ATP2B2: variants seen among roughly 807,000 people sequenced by gnomAD.
ATP2B2 encodes plasma membrane calcium-transporting ATPase 2.
ATP2B2 carries 15 observed loss-of-function variants against 120.0 expected under a neutral mutation model. That is an observed-to-expected ratio of 0.12 (90% confidence interval 0.08 to 0.19). The LOEUF is 0.19. Ranked by LOEUF, ATP2B2 falls within the 10% of genes least tolerant of loss-of-function variation. The probability of loss-of-function intolerance (pLI) is 1.00; values close to 1 mark genes in which losing one functional copy is unlikely to be tolerated. For missense variants in ATP2B2, 1,045 were observed against 1,719.8 expected (o/e 0.61, Z 6.94); for synonymous variants, 694 against 700.3 (o/e 0.99, Z 0.14).
chr3:10,650,743 T>A (rs1215075057), intron 1 of ATP2B2, among the ~76,000 whole-genome samples: 1 of 152,152 alleles, frequency 6.6e-6, no homozygotes, highest in African/African-American at 2.4e-5. Flanking sequence ...CCAGACCCCA[T>A]AATGGTAGGT....
At chr3:10,689,837 C>T (rs552074167) in intron 1 of ATP2B2, among the ~76,000 whole-genome samples, 6 of 152,194 alleles carry the variant, frequency 3.9e-5, no homozygotes, top group South Asian at 2.1e-4. Context: ...AGCATTGCTG[C>T]GCACCCTCCA....
At chr3:10,440,523 G>A (rs537102574) in intron 2 of ATP2B2, among the ~76,000 whole-genome samples, 5 of 152,312 alleles carry the variant, frequency 3.3e-5, no homozygotes, top group African/African-American at 1.2e-4. Context: ...CAGGCACAGC[G>A]AATTCCTCAC....
At chr3:10,477,678 T>G (rs75917848) in intron 1 of ATP2B2, among the ~76,000 whole-genome samples, 1 of 152,248 alleles carries the variant, frequency 6.6e-6, no homozygotes, top group African/African-American at 2.4e-5. Flanking sequence ...CTTATTTCAC[T>G]TAGCATCTCA....
rs141265161 is a variant in ATP2B2 at position 10,400,522 on chromosome 3, C to T, written c.781+431G>A. 3.0e-3 allele frequency among the ~76,000 whole-genome samples: 459 copies of T among 152,160 alleles called. 3 individuals are homozygous for T. The highest frequency in any genetic ancestry group is 0.01 in the African/African-American group (434 of 41,540). ...TCCCTGCTCCTCACTCCGCCACAAG[C>T]TCCTCAGGGCTGGGCCTTCCCTGCC... On this transcript the variant is annotated intron_variant, in intron 5 of 22. Coordinates refer to ENST00000360273, the MANE Select transcript of ATP2B2 (RefSeq NM_001001331.4).
At chr3:10,707,921 C>G (rs2071923482) in exon 1 of ATP2B2, 1 of 152,294 alleles carries the variant, frequency 6.6e-6, no homozygotes. Flanking sequence ...TCACCTGCGC[C>G]GGCTCCGAGA....
At chr3:10,540,897 A>AT (rs1185930460) in intron 2 of ATP2B2, among the ~76,000 whole-genome samples, 150 of 147,452 alleles carry the variant, frequency 1.0e-3, no homozygotes, top group Admixed American at 2.7e-3. Context: ...GGTCCTGGGG[A>AT]TTTTTTTTTT....
intron 2 of ATP2B2, among the ~76,000 whole-genome samples, chr3:10,553,042 T>A (rs895655372): frequency 6.6e-6 from 1 of 152,196 alleles, no homozygotes; most frequent in Non-Finnish European, 1.5e-5. Flanking sequence ...CAGTTCCCCA[T>A]CTGTGCAATG....
chr3:10,656,706 T>C (rs536712898), intron 1 of ATP2B2, among the ~76,000 whole-genome samples: 25 of 152,306 alleles, frequency 1.6e-4, no homozygotes, highest in Admixed American at 1.3e-3. Flanking sequence ...AAGAAAACAA[T>C]GGCACCAGTC....
intron 1 of ATP2B2, among the ~76,000 whole-genome samples, chr3:10,473,872 A>C (rs970495023): frequency 3.9e-5 from 6 of 152,266 alleles, no homozygotes; most frequent in South Asian, 4.1e-4. Context: ...CATAAGGGCC[A>C]GATCACACCA....
At chr3:10,420,553 G>A (rs2062941569) in intron 2 of ATP2B2, among the ~76,000 whole-genome samples, 1 of 152,076 alleles carries the variant, frequency 6.6e-6, no homozygotes, top group African/African-American at 2.4e-5. Flanking sequence ...GTTGAGATGG[G>A]GTTTCACCAT....
chr3:10,452,046 A>G (rs2064074979), intron 1 of ATP2B2, among the ~76,000 whole-genome samples: 1 of 152,262 alleles, frequency 6.6e-6, no homozygotes, highest in African/African-American at 2.4e-5. Flanking sequence ...AATGAAAAGC[A>G]AACAGACACT....
At position 10,371,971 on chromosome 3, in the gene ATP2B2, G is replaced by A. The variant is rs768990611; in HGVS notation, c.1497C>T (p.Asp499=). 6.2e-7 allele frequency: 1 copy of A among 1,614,228 alleles called. No individual in the cohort carries two copies. Among genetic ancestry groups the A allele is most frequent in the Admixed American group, 1.7e-5 (1 of 60,030 alleles). Residue 499 remains aspartate, a synonymous_variant, in exon 12 of 23, where the codon GAC becomes GAT. Coordinates refer to ENST00000360273, the MANE Select transcript of ATP2B2 (RefSeq NM_001001331.4). ...GATTGGTGGTCAGCGTGCCTGTCTTGTCTGAGCAGATGGCTGTGGCATTGC... is the reference window on the plus strand; with the variant it reads ...GATTGGTGGTCAGCGTGCCTGTCTTATCTGAGCAGATGGCTGTGGCATTGC... ...TMGNATAICS[D]KTGTLTTNRM...
intron 1 of ATP2B2, among the ~76,000 whole-genome samples, chr3:10,489,482 G>A (rs951520047): frequency 2.6e-5 from 4 of 152,216 alleles, no homozygotes; most frequent in Non-Finnish European, 5.9e-5. Context: ...GTTCCCAAAT[G>A]TGTCTGTTCA....
chr3:10,357,565 C>T (rs1053183445), intron 14 of ATP2B2, among the ~76,000 whole-genome samples: 2 of 152,134 alleles, frequency 1.3e-5, no homozygotes, highest in African/African-American at 2.4e-5. Context: ...TAGCAAATGG[C>T]CAGAGACCCC....
intron 2 of ATP2B2, among the ~76,000 whole-genome samples, chr3:10,538,186 T>C (rs2067359921): frequency 6.6e-6 from 1 of 152,230 alleles, no homozygotes; most frequent in Non-Finnish European, 1.5e-5. Context: ...TCCTCTTCTA[T>C]TTACTGGAAG....
chr3:10,331,032 A>G (rs1206773490), intron 22 of ATP2B2, among the ~76,000 whole-genome samples: 1 of 152,150 alleles, frequency 6.6e-6, no homozygotes, highest in Non-Finnish European at 1.5e-5. Flanking sequence ...TGTTTTCTGA[A>G]AAGCACCTCT....
rs571602385 is a variant in ATP2B2 at position 10,363,068 on chromosome 3, A to T, written c.1660-2945T>A. Among the ~76,000 whole-genome samples the T allele has an allele frequency of 2.0e-5, 3 of 152,304 alleles. No individual in the cohort carries two copies. The South Asian group carries it at 6.2e-4, about 32-fold the overall frequency. On this transcript the variant is annotated intron_variant, in intron 12 of 22. Coordinates refer to ENST00000360273, the MANE Select transcript of ATP2B2 (RefSeq NM_001001331.4). ...AGCTGAGCAGTCCTGCCTGCAAAAC[A>T]CTCAGGATTTTATTACCCTCTGTGA...
rs149337630 is a variant in ATP2B2 at position 10,365,589 on chromosome 3, A to AGT, written c.1660-5468_1660-5467dup. ...AGCCTTCCCCAGCTCACCAGTGCAG[A>AGT]GTGTGTGTGTGTGTGTGTGATGCAT... is the stretch of plus-strand genomic sequence containing the variant. On this transcript the variant is annotated intron_variant, in intron 12 of 22. Transcript: ENST00000360273. 7.4e-3 allele frequency among the ~76,000 whole-genome samples: 1,106 copies of AGT among 148,778 alleles called. 12 individuals are homozygous for AGT. The highest frequency in any genetic ancestry group is 0.018 in the African/African-American group (726 of 40,572).
chr3:10,476,401 C>A (rs1166280978), intron 1 of ATP2B2, among the ~76,000 whole-genome samples: 4 of 152,258 alleles, frequency 2.6e-5, no homozygotes, highest in Non-Finnish European at 5.9e-5. Context: ...AGTCAACTCT[C>A]TGCTTTTCAA....
Sources: allele counts gnomAD v4.1 joint callset (sites outside exome capture counted in the v4.1 genomes callset), GRCh38; gene constraint gnomAD v4.1.1; transcripts MANE v1.5; gene names NCBI Gene and HGNC (gene_info 2026-07-23, HGNC 2026-07-21).